MAPK8IP3: variants seen among roughly 807,000 people sequenced by gnomAD.
The protein encoded by MAPK8IP3 is C-Jun-amino-terminal kinase-interacting protein 3.
Under a neutral mutation model 157.8 loss-of-function variants are expected in MAPK8IP3, and 49 were observed. The ratio of observed to expected loss-of-function variants is 0.31; its 90% CI spans 0.25 to 0.39. MAPK8IP3 has a LOEUF of 0.39. Ranked by LOEUF, MAPK8IP3 falls within the 10% of genes least tolerant of loss-of-function variation. MAPK8IP3 has a pLI of 1.00. For synonymous variants in MAPK8IP3, 897 were observed against 777.7 expected, an observed-to-expected ratio of 1.15 and a Z score of -2.55; for missense variants, 1,478 against 1,889.4, an observed-to-expected ratio of 0.78 and a Z score of 4.04.
At chr16:1,736,322 CCGTGTGAG>C in intron 4 of MAPK8IP3, among the ~76,000 whole-genome samples, 1 of 48,884 alleles carries the variant, frequency 2.0e-5, no homozygotes. Context: ...GAGCGTGTGA[CCGTGTGAG>C]CATCCGTGTG....
rs368865652 is a variant in MAPK8IP3, at chr16:1,758,128, T to C, written c.1217-20T>C. The C allele has an allele frequency of 1.2e-6, 2 of 1,613,494 alleles. No homozygotes were observed. Among genetic ancestry groups the C allele is most frequent in the African/African-American group, 2.7e-5 (2 of 74,932 alleles). ...GTCCCTTCCTTCCCCTGCCTCTCTG[T>C]GCGTCGCTGGACTCGCCAGGGGAGT... is the stretch of plus-strand genomic sequence containing the variant. On this transcript the variant is annotated intron_variant, in intron 8 of 31. Coordinates refer to ENST00000610761, the MANE Select transcript of MAPK8IP3 (RefSeq NM_001318852.2).
In MAPK8IP3 at chr16:1,743,421, G is replaced by A; in HGVS notation, c.692G>A (p.Gly231Glu). The A allele has an allele frequency of 1.9e-6, 3 of 1,609,966 alleles. No individual in the cohort carries two copies. Among genetic ancestry groups the A allele is most frequent in the Non-Finnish European group, 2.5e-6 (3 of 1,178,646 alleles). The change falls in exon 5 of 32, where the codon GGG becomes GAG. Residue 231 changes from glycine (G) to glutamate (E), a missense_variant. Transcript: ENST00000610761. This position sits in a 1 kb window ranked among gnomAD's most constrained non-coding sequence, Gnocchi z 5.6. Reference sequence around the variant, plus strand: ...ATCGGGGGCAAGCTCGTGCCTGCGGGGGACCACTGGCACCTGAGTGACCTC... The same window carrying A: ...ATCGGGGGCAAGCTCGTGCCTGCGGAGGACCACTGGCACCTGAGTGACCTC... Reference protein sequence around the residue: ...AQIGGKLVPAGDHWHLSDLGQ... With the variant: ...AQIGGKLVPAEDHWHLSDLGQ...
At chr16:1,757,144 C>T (rs967244413) in intron 8 of MAPK8IP3, among the ~76,000 whole-genome samples, 3 of 151,964 alleles carry the variant, frequency 2.0e-5, no homozygotes, top group East Asian at 1.9e-4. Flanking sequence ...CTTGCTCTGT[C>T]GCCCAGGCTG....
rs1338206413 is a variant in MAPK8IP3, at chr16:1,706,911, CTCCCGGGGACCCCCTTT to C, written c.318+258_318+274del. Among the ~76,000 whole-genome samples the C allele has an allele frequency of 4.7e-5, 7 of 149,954 alleles. No individual in the cohort carries two copies. Among genetic ancestry groups the C allele is most frequent in the Non-Finnish European group, 7.4e-5 (5 of 67,360 alleles). On this transcript the variant is annotated intron_variant, in intron 1 of 31. Coordinates refer to ENST00000610761, the MANE Select transcript of MAPK8IP3 (RefSeq NM_001318852.2). This position sits in a 1 kb window ranked among gnomAD's most constrained non-coding sequence, Gnocchi z 5.1. ...CGCCTGCCCCGGGACCCCACCCCGA[CTCCCGGGGACCCCCTTT>C]TCCGCCCAGGCCTGGGCCCTGGCCC...
intron 1 of MAPK8IP3, among the ~76,000 whole-genome samples, chr16:1,718,201 T>G (rs971435171): frequency 6.6e-6 from 1 of 151,070 alleles, no homozygotes; most frequent in Non-Finnish European, 1.5e-5. Flanking sequence ...TTTTTTTTTT[T>G]GAAGCAGAGT....
At chr16:1,734,823 C>T (rs1042995807) in intron 4 of MAPK8IP3, among the ~76,000 whole-genome samples, 2 of 152,280 alleles carry the variant, frequency 1.3e-5, no homozygotes, top group African/African-American at 4.8e-5. Flanking sequence ...CAGCGCTGGG[C>T]GCCCTCCTTC....
At chr16:1,763,827 C>T in intron 17 of MAPK8IP3, 44 bp downstream of exon 17, 1 of 161,116 alleles carries the variant, frequency 6.2e-6, no homozygotes, top group Non-Finnish European at 1.0e-5. Context: ...CCCGCAGAGG[C>T]GGGGCGGGGG....
chr16:1,750,276 C>T (rs2041214794), intron 8 of MAPK8IP3, among the ~76,000 whole-genome samples: 3 of 151,934 alleles, frequency 2.0e-5, no homozygotes, highest in Non-Finnish European at 4.4e-5. Flanking sequence ...GCAGTGGCGC[C>T]ATCTTGGCTC....
Position 1,766,112 on chromosome 16 carries a change from G to A in MAPK8IP3, c.2599G>A (p.Gly867Arg), listed in dbSNP as rs762254978. The A allele has an allele frequency of 5.0e-6, 8 of 1,612,592 alleles. No homozygotes were observed. The highest frequency in any genetic ancestry group is 4.5e-5 in the East Asian group (2 of 44,874). Residue 867 changes from glycine to arginine, a missense_variant, in exon 21 of 32, where the codon GGG becomes AGG. This residue lies in a region of MAPK8IP3 where 669 missense variants were observed against 759.8 expected (regional missense o/e 0.88). Transcript: ENST00000610761. ...GCCGCGGAGCAACTGCTCCTCCCGAGGGGACACCCCAGTGCTAGACAAGGG... is the reference window on the plus strand; with the variant it reads ...GCCGCGGAGCAACTGCTCCTCCCGAAGGGACACCCCAGTGCTAGACAAGGG... ...NVPRSNCSSR[G>R]DTPVLDKGQG...
At chr16:1,747,335 G>T in intron 6 of MAPK8IP3, 60 bp downstream of exon 6, 1 of 1,582,552 alleles carries the variant, frequency 6.3e-7, no homozygotes. Context: ...CTTGGTTTGG[G>T]TAGATGTGAA....
intron 1 of MAPK8IP3, among the ~76,000 whole-genome samples, chr16:1,717,715 A>G (rs949995686): frequency 3.9e-5 from 6 of 152,206 alleles, no homozygotes; most frequent in African/African-American, 1.4e-4. Flanking sequence ...TTTATAATCT[A>G]GTACTATGCA....
chr16:1,718,942 G>A (rs1332218042), intron 1 of MAPK8IP3, among the ~76,000 whole-genome samples: 1 of 152,164 alleles, frequency 6.6e-6, no homozygotes, highest in African/African-American at 2.4e-5. Context: ...GGTGGCTCAC[G>A]CCTGTAGTGC....
rs186954820 is a variant in MAPK8IP3 at position 1,752,298 on chromosome 16, C to T, written c.1216+3578C>T. On this transcript the variant is annotated intron_variant, in intron 8 of 31. Coordinates refer to ENST00000610761, the MANE Select transcript of MAPK8IP3 (RefSeq NM_001318852.2). ...TGAGGCTGCAAGTCACTATGCGTTC[C>T]ACGCCCTCCGTGCACTCTGGGCTCT... 369 of 191,434 alleles carry T rather than the reference C, an allele frequency of 1.9e-3. 1 individual carries two copies. Among genetic ancestry groups the T allele is most frequent in the African/African-American group, 8.2e-3 (342 of 41,798 alleles). 11.9% of individuals were successfully genotyped at this position (191,434 alleles called of 1,614,324 possible).
chr16:1,743,585 A>G lies in MAPK8IP3; in HGVS notation c.747+109A>G. ...GCAGCCCTTCACGGCTCTCTGGGCCACTCGCCCTCTCCCTTCGTGTGTGGC... is the reference window on the plus strand; with the variant it reads ...GCAGCCCTTCACGGCTCTCTGGGCCGCTCGCCCTCTCCCTTCGTGTGTGGC... On this transcript the variant is annotated intron_variant, in intron 5 of 31. Transcript: ENST00000610761. This position sits in a 1 kb window ranked among gnomAD's most constrained non-coding sequence, Gnocchi z 5.6. 1 of 1,482,730 alleles carries G rather than the reference A, an allele frequency of 6.7e-7. No homozygotes were observed. The highest frequency in any genetic ancestry group is 8.9e-7 in the Non-Finnish European group (1 of 1,127,226). The allele number at this position is 1,482,730 out of a possible 1,614,324, so 91.8% of individuals were successfully genotyped here.
Position 1,764,385 on chromosome 16 carries a change from C to A in MAPK8IP3, c.2206C>A (p.Arg736Ser). The change falls in exon 19 of 32, where the codon CGC (arginine) becomes AGC (serine). Residue 736 changes from arginine (R) to serine (S), a missense_variant. By Grantham distance (110) the Arg-to-Ser change is moderately radical. Coordinates refer to ENST00000610761, the MANE Select transcript of MAPK8IP3 (RefSeq NM_001318852.2). Reference protein sequence around the residue: ...AGNGVKPAPGRDPLTCDREGD... With the variant: ...AGNGVKPAPGSDPLTCDREGD... ...GAATGGAGTCAAGCCAGCGCCAGGC[C>A]GCGATCCCCTGACCTGCGACCGCGA... The A allele has an allele frequency of 6.3e-7, 1 of 1,594,794 alleles. No homozygotes were observed. The highest frequency in any genetic ancestry group is 8.5e-7 in the Non-Finnish European group (1 of 1,172,236).
chr16:1,711,149 AC>A (rs2142268902), intron 1 of MAPK8IP3, among the ~76,000 whole-genome samples: 1 of 152,316 alleles, frequency 6.6e-6, no homozygotes, highest in African/African-American at 2.4e-5. Flanking sequence ...GTTTTTAAAA[AC>A]CATTTTGAAA....
At chr16:1,755,218 A>G (rs1165250783) in intron 8 of MAPK8IP3, among the ~76,000 whole-genome samples, 1 of 152,232 alleles carries the variant, frequency 6.6e-6, no homozygotes, top group Non-Finnish European at 1.5e-5. Context: ...TATGACAAGT[A>G]TGGCATCTCA....
At position 1,711,708 on chromosome 16, in the gene MAPK8IP3, G is replaced by A. The variant is rs532464626; in HGVS notation, c.318+5051G>A. On this transcript the variant is annotated intron_variant, in intron 1 of 31. Coordinates refer to ENST00000610761, the MANE Select transcript of MAPK8IP3 (RefSeq NM_001318852.2). The stretch of plus-strand genomic sequence containing the variant: ...CGTAATCCCAACACTTTGAAAGGCC[G>A]AGGCGGGTGGATCATGAGGTAAGGA... 1.6e-4 allele frequency among the ~76,000 whole-genome samples: 25 copies of A among 152,316 alleles called. 1 individual carries two copies. The East Asian group carries it at 2.5e-3, about 15-fold the overall frequency.
At chr16:1,749,531 G>A (rs975762815) in intron 8 of MAPK8IP3, among the ~76,000 whole-genome samples, 1 of 152,074 alleles carries the variant, frequency 6.6e-6, no homozygotes. Flanking sequence ...GGTCTGTGGC[G>A]GCTGCAAACA....
Sources: gnomAD v4.1 joint callset for allele counts (sites outside exome capture counted in the v4.1 genomes callset) on GRCh38, gnomAD v4.1.1 for gene constraint, gnomAD v4.1.1 regional missense constraint, Gnocchi (gnomAD v3.1) non-coding constraint, MANE v1.5 for transcripts, NCBI Gene and HGNC (gene_info 2026-07-23, HGNC 2026-07-21) for gene names.